The following UXS1 variants were observed in gnomAD, a reference collection of about 807,000 sequenced individuals.
UXS1 encodes the protein UDP-glucuronate decarboxylase 1.
UXS1 carries 33 observed loss-of-function variants against 62.6 expected under a neutral mutation model. The ratio of observed to expected loss-of-function variants is 0.53; its 90% CI spans 0.40 to 0.70. The LOEUF (loss-of-function observed/expected upper bound fraction) is 0.70. UXS1 is among the 30% of genes least tolerant of loss of function. The probability of loss-of-function intolerance (pLI) is 0.00; values close to 1 mark genes in which losing one functional copy is unlikely to be tolerated. For synonymous variants in UXS1, 213 were observed against 206.8 expected, an observed-to-expected ratio of 1.03 and a Z score of -0.26; for missense variants, 434 against 556.3, an observed-to-expected ratio of 0.78 and a Z score of 2.21.
At chr2:106,148,325 A>AT (rs1009571616) in intron 5 of UXS1, among the ~76,000 whole-genome samples, 7 of 152,160 alleles carry the variant, frequency 4.6e-5, no homozygotes, top group Non-Finnish European at 8.8e-5. Flanking sequence ...ACGTTATTGC[A>AT]TTTTTTCCAA....
rs536834415 is a variant in UXS1, at chr2:106,146,587, G to A, written c.292-1217C>T. Among the ~76,000 whole-genome samples the A allele has an allele frequency of 5.3e-5, 8 of 151,484 alleles. No homozygotes were observed. In the East Asian group the frequency reaches 1.2e-3, roughly 22 times the overall value. ...TGAGATCAGGAGTTCAAGACCAGTC[G>A]GGCCAACATGGTGAAACCCTGTCTC... On this transcript the variant is annotated intron_variant, in intron 5 of 14. Transcript: ENST00000283148.
chr2:106,178,175 G>T (rs1424822067), intron 1 of UXS1, among the ~76,000 whole-genome samples: 2 of 152,140 alleles, frequency 1.3e-5, no homozygotes, highest in African/African-American at 4.8e-5. Context: ...TGGGGGCCCT[G>T]GCCACTGCAT....
chr2:106,106,226 T>C (rs1213201317), intron 10 of UXS1, among the ~76,000 whole-genome samples: 2 of 151,826 alleles, frequency 1.3e-5, no homozygotes, highest in East Asian at 1.9e-4. Context: ...TAGCTGGGTG[T>C]GGTGGTGGGC....
intron 10 of UXS1, among the ~76,000 whole-genome samples, chr2:106,105,526 C>T (rs1395281921): frequency 6.6e-6 from 1 of 152,190 alleles, no homozygotes; most frequent in African/African-American, 2.4e-5. Flanking sequence ...TGCTACTCAT[C>T]CTTTAGGGAC....
chr2:106,141,820 GA>G (rs940891515), intron 6 of UXS1, among the ~76,000 whole-genome samples: 6 of 146,552 alleles, frequency 4.1e-5, no homozygotes, highest in Non-Finnish European at 6.0e-5. Flanking sequence ...TTTTTAATTG[GA>G]AAAAAAATCA....
rs1294421569 is a variant in UXS1 at position 106,097,187 on chromosome 2, G to C, written c.1043-366C>G. 8.6e-6 allele frequency: 4 copies of C among 465,178 alleles called. No homozygotes were observed. In the Admixed American group the frequency reaches 9.3e-5, roughly 11 times the overall value. 28.8% of individuals were successfully genotyped at this position (465,178 alleles called of 1,614,324 possible). On this transcript the variant is annotated intron_variant, in intron 13 of 14. Coordinates refer to ENST00000283148, the MANE Select transcript of UXS1 (RefSeq NM_001253875.2). ...TGCCCACCGAGCATGACCCCGGTGT[G>C]AGACCACAAACGTGGTGTGGGGCCA...
chr2:106,097,463 T>G, intron 13 of UXS1: 1 of 343,674 alleles, frequency 2.9e-6, no homozygotes, highest in Non-Finnish European at 5.8e-6. Flanking sequence ...GAGGCCACAT[T>G]GCAGACTCTG....
intron 1 of UXS1, among the ~76,000 whole-genome samples, chr2:106,176,490 G>A (rs1683887636): frequency 6.6e-6 from 1 of 152,192 alleles, no homozygotes; most frequent in Non-Finnish European, 1.5e-5. Flanking sequence ...TGCGGTGAGG[G>A]GGCTTCGCAG....
At chr2:106,145,604 G>A (rs1393066522) in intron 5 of UXS1, 9 of 401,864 alleles carry the variant, frequency 2.2e-5, no homozygotes, top group Non-Finnish European at 3.9e-5. Context: ...TACCAGTCTT[G>A]GAAGAATACA....
chr2:106,129,296 C>T (rs1056502497), intron 7 of UXS1, among the ~76,000 whole-genome samples: 9 of 152,196 alleles, frequency 5.9e-5, no homozygotes, highest in African/African-American at 2.2e-4. Flanking sequence ...CCACCACTGC[C>T]TCTTTCCAGC....
chr2:106,098,721 A>T lies in UXS1; in HGVS notation c.1037T>A (p.Leu346His). The change falls in exon 13 of 15, where the codon CTT becomes CAT. Residue 346 changes from leucine to histidine, a missense_variant. Coordinates refer to ENST00000283148, the MANE Select transcript of UXS1 (RefSeq NM_001253875.2). The stretch of plus-strand genomic sequence containing the variant: ...AAATGACTTATCCTACTTACCAACA[A>T]GGTTTTTAATTAACTGAGCAAATTC... ...ILEFAQLIKNLVGSGSEIQFL... is the reference protein window; with the variant it reads ...ILEFAQLIKNHVGSGSEIQFL... The T allele has an allele frequency of 6.2e-7, 1 of 1,610,688 alleles. No homozygotes were observed. The highest frequency in any genetic ancestry group is 8.5e-7 in the Non-Finnish European group (1 of 1,178,262).
At chr2:106,125,505 AG>A in intron 8 of UXS1, 114 bp downstream of exon 8, 3 of 985,892 alleles carry the variant, frequency 3.0e-6, no homozygotes. Flanking sequence ...CCTGTGCACA[AG>A]AGGAGCATGG....
intron 1 of UXS1, among the ~76,000 whole-genome samples, chr2:106,176,626 T>C (rs76248503): frequency 0.081 from 12,356 of 152,248 alleles, 751 homozygotes; most frequent in Non-Finnish European, 0.13. Context: ...GCCCTAAACC[T>C]TGGAGCATGC....
intron 6 of UXS1, chr2:106,138,824 C>CT (rs1680867374): frequency 2.0e-6 from 2 of 985,506 alleles, no homozygotes; most frequent in Non-Finnish European, 2.4e-6. Flanking sequence ...CACCACCCCC[C>CT]TCTCCTTTGA....
At chr2:106,140,683 G>A (rs1187543376) in intron 6 of UXS1, among the ~76,000 whole-genome samples, 1 of 151,652 alleles carries the variant, frequency 6.6e-6, no homozygotes, top group Non-Finnish European at 1.5e-5. Context: ...TGCCTACTTC[G>A]CACGGGTATT....
chr2:106,162,168 G>A (rs1212435972), intron 4 of UXS1, among the ~76,000 whole-genome samples: 1 of 152,194 alleles, frequency 6.6e-6, no homozygotes, highest in Non-Finnish European at 1.5e-5. Context: ...AACCATTCCA[G>A]AATGAGTCAC....
At chr2:106,169,773 A>T (rs900164780) in intron 1 of UXS1, among the ~76,000 whole-genome samples, 53 of 152,136 alleles carry the variant, frequency 3.5e-4, no homozygotes, top group African/African-American at 1.2e-3. Context: ...GCTGCCACCC[A>T]TCCCAGACAC....
chr2:106,194,152 G>T lies in UXS1; in HGVS notation c.90C>A (p.Val30=). 6.8e-7 allele frequency: 1 copy of T among 1,480,294 alleles called. No homozygotes were observed. The highest frequency in any genetic ancestry group is 9.0e-7 in the Non-Finnish European group (1 of 1,114,010). 91.7% of individuals were successfully genotyped at this position (1,480,294 alleles called of 1,614,324 possible). Residue 30 remains valine, a synonymous_variant, in exon 1 of 15, where the codon GTC becomes GTA. Coordinates refer to ENST00000283148, the MANE Select transcript of UXS1 (RefSeq NM_001253875.2). The part of the protein sequence containing the change: ...LLLGIALLAY[V]ASVWGNFVNM... ...TGGCAGCGGGCGCGCACTCACAGGC[G>T]ACGTAGGCCAGCAAGGCGATGCCCA... is the stretch of plus-strand genomic sequence containing the variant.
intron 3 of UXS1, 139 bp downstream of exon 3, chr2:106,164,597 G>A: frequency 1.7e-6 from 1 of 605,182 alleles, no homozygotes. Context: ...TCTTAAATAA[G>A]GGAGTAATTT....
Sources: allele counts gnomAD v4.1 joint callset (sites outside exome capture counted in the v4.1 genomes callset), GRCh38; gene constraint gnomAD v4.1.1; transcripts MANE v1.5; gene names NCBI Gene and HGNC (gene_info 2026-07-23, HGNC 2026-07-21).